The following BTAF1 variants were observed in gnomAD, a reference collection of about 807,000 sequenced individuals.
BTAF1 encodes the protein B-TFIID TATA-box binding protein associated factor 1, also known as TATA-binding protein-associated factor 172.
Under a neutral mutation model 227.1 loss-of-function variants are expected in BTAF1, and 38 were observed. That is an observed-to-expected ratio of 0.17 (90% CI 0.13 to 0.22). BTAF1 has a LOEUF of 0.22. Ranked by LOEUF, BTAF1 falls within the 10% of genes least tolerant of loss-of-function variation. The pLI is 1.00. For missense variants in BTAF1, 1,598 were observed against 2,204.0 expected (o/e 0.73, Z 5.51); for synonymous variants, 742 against 751.9 (o/e 0.99, Z 0.21).
chr10:91,963,479 G>C (rs1846671140), intron 12 of BTAF1, among the ~76,000 whole-genome samples: 2 of 152,136 alleles, frequency 1.3e-5, no homozygotes, highest in African/African-American at 4.8e-5. Flanking sequence ...TGTTGCCGAG[G>C]CTGGTCTCAA....
intron 1 of BTAF1, among the ~76,000 whole-genome samples, chr10:91,928,448 T>C (rs1040016027): frequency 6.6e-5 from 10 of 152,210 alleles, no homozygotes; most frequent in African/African-American, 2.4e-4. Flanking sequence ...AAAATCCAAA[T>C]GTAGGAGTAG....
Position 91,993,674 on chromosome 10 carries a change from A to T in BTAF1, c.3046-20A>T, listed in dbSNP as rs754087101. Reference sequence around the variant, plus strand: ...TGATTTTTTCTGAAATTCTGTTTTTATCTAACATTTAATTTTAAGGCCCAG... The same window carrying T: ...TGATTTTTTCTGAAATTCTGTTTTTTTCTAACATTTAATTTTAAGGCCCAG... On this transcript the variant is annotated intron_variant, in intron 21 of 37. Transcript: ENST00000265990. 4.5e-5 allele frequency: 64 copies of T among 1,428,640 alleles called. No homozygotes were observed. Among genetic ancestry groups the T allele is most frequent in the Non-Finnish European group, 5.6e-6 (6 of 1,079,584 alleles). 88.5% of individuals were successfully genotyped at this position (1,428,640 alleles called of 1,614,324 possible). A position where few individuals can be genotyped will look rare whatever the true frequency, so the allele number is the denominator to read the frequency against.
At chr10:92,010,690 G>T (rs1333805511) in intron 28 of BTAF1, among the ~76,000 whole-genome samples, 2 of 152,188 alleles carry the variant, frequency 1.3e-5, no homozygotes, top group African/African-American at 2.4e-5. Context: ...GTGGTTAGGG[G>T]ATTAAGTATT....
At chr10:91,939,768 G>A (rs1480423910) in intron 2 of BTAF1, among the ~76,000 whole-genome samples, 184 bp from the exon 3 acceptor site, 2 of 152,208 alleles carry the variant, frequency 1.3e-5, no homozygotes, top group South Asian at 4.2e-4. Flanking sequence ...TTTTAAGGTG[G>A]TAGTGATTTT....
rs137967195 is a variant in BTAF1, at chr10:91,966,748, A to T, written c.1641A>T (p.Thr547=). 6.2e-7 allele frequency: 1 copy of T among 1,613,884 alleles called. No individual in the cohort carries two copies. Among genetic ancestry groups the T allele is most frequent in the Middle Eastern group, 1.7e-4 (1 of 6,058 alleles). The change falls in exon 14 of 38, where the codon ACA becomes ACT. Residue 547 remains threonine, a synonymous_variant. Transcript: ENST00000265990. ...AAACTCTGTTTACGTTATTATCAAC[A>T]CAGGACCAGGTAAGAACTGATAACT... ...ALETLFTLLS[T]QDQNSSSWLI...
At chr10:91,925,075 G>A (rs927954331) in intron 1 of BTAF1, among the ~76,000 whole-genome samples, 1 of 152,212 alleles carries the variant, frequency 6.6e-6, no homozygotes, top group South Asian at 2.1e-4. Flanking sequence ...TTTTGCAAGG[G>A]AAAGGATAAC....
intron 4 of BTAF1, among the ~76,000 whole-genome samples, chr10:91,947,611 G>T (rs1845461237): frequency 6.6e-6 from 1 of 151,610 alleles, no homozygotes; most frequent in African/African-American, 2.4e-5. Context: ...TTGTTGCATT[G>T]TAGTAAGTTC....
chr10:91,924,350 G>A (rs1208411729), intron 1 of BTAF1, among the ~76,000 whole-genome samples: 1 of 152,128 alleles, frequency 6.6e-6, no homozygotes, highest in Admixed American at 6.5e-5. Context: ...TCCTCACCAT[G>A]TTTCTGTTCT....
At chr10:91,991,839 A>ATG (rs1367074795) in intron 20 of BTAF1, among the ~76,000 whole-genome samples, 2 of 19,016 alleles carry the variant, frequency 1.1e-4, no homozygotes, top group African/African-American at 4.2e-4. Context: ...ATATACACAC[A>ATG]TATATACACA....
intron 25 of BTAF1, among the ~76,000 whole-genome samples, chr10:91,998,849 G>A (rs1481853389): frequency 5.9e-5 from 9 of 152,146 alleles, no homozygotes; most frequent in East Asian, 1.9e-4. Context: ...TCAGGAGTTC[G>A]AAATTAGCCT....
At chr10:92,022,098 C>T (rs1398713366) in intron 34 of BTAF1, among the ~76,000 whole-genome samples, 1 of 152,144 alleles carries the variant, frequency 6.6e-6, no homozygotes, top group Non-Finnish European at 1.5e-5. Context: ...ATCAGTCTCT[C>T]AGAGCAGACT....
Position 92,029,023 on chromosome 10 carries a change from C to A in BTAF1, c.*90C>A. 1 of 1,216,022 alleles carries A rather than the reference C, an allele frequency of 8.2e-7. No homozygotes were observed. The highest frequency in any genetic ancestry group is 1.1e-6 in the Non-Finnish European group (1 of 878,180). 75.3% of individuals were successfully genotyped at this position (1,216,022 alleles called of 1,614,324 possible). Reference sequence around the variant, plus strand: ...TTCTAAGTTTATGGTGAACTTTTAACTCAATGTGTAAATAGATCTGGAGAA... The same window carrying A: ...TTCTAAGTTTATGGTGAACTTTTAAATCAATGTGTAAATAGATCTGGAGAA... On this transcript the variant is annotated 3_prime_UTR_variant, in exon 38 of 38. Transcript: ENST00000265990.
At chr10:91,966,017 T>A (rs1371766203) in intron 13 of BTAF1, among the ~76,000 whole-genome samples, 2 of 152,276 alleles carry the variant, frequency 1.3e-5, no homozygotes, top group African/African-American at 4.8e-5. Flanking sequence ...CTTACGAATG[T>A]GACAGGAATC....
chr10:91,970,347 A>C (rs1159140148), intron 14 of BTAF1, among the ~76,000 whole-genome samples: 1 of 151,944 alleles, frequency 6.6e-6, no homozygotes, highest in African/African-American at 2.4e-5. Flanking sequence ...CTTTTTTCAC[A>C]CTCCTGATAA....
At position 91,994,573 on chromosome 10, in the gene BTAF1, C is replaced by G. The variant is rs1367883501; in HGVS notation, c.3238C>G (p.Gln1080Glu). The G allele has an allele frequency of 6.2e-7, 1 of 1,613,916 alleles. No individual in the cohort carries two copies. The highest frequency in any genetic ancestry group is 2.2e-5 in the East Asian group (1 of 44,860). ...CCTGGATAAGGGAGATAGCCCTGCT[C>G]AAGAATTGGTGAATTCTCTGCAGGT... is the stretch of plus-strand genomic sequence containing the variant. ...SLLDKGDSPA[Q>E]ELVNSLQVFE... The change falls in exon 23 of 38, where the codon CAA becomes GAA. Residue 1080 changes from glutamine to glutamate, a missense_variant. Around this residue, in one of 10 missense-constraint regions of BTAF1, gnomAD observed 425 missense variants for 491.2 expected, o/e 0.87. Transcript: ENST00000265990.
At position 91,991,779 on chromosome 10, in the gene BTAF1, G is replaced by A. The variant is rs1408507359; in HGVS notation, c.2855-340G>A. ...CAGAAAAAAAAAATTATATATATGT[G>A]TGTGTGTGTGTGTGTGTGTATATAT... On this transcript the variant is annotated intron_variant, in intron 20 of 37. Coordinates refer to ENST00000265990, the MANE Select transcript of BTAF1 (RefSeq NM_003972.3). Among the ~76,000 whole-genome samples the A allele has an allele frequency of 1.5e-4, 11 of 71,332 alleles. No homozygotes were observed. In the East Asian group the frequency reaches 1.8e-3, roughly 12 times the overall value. The allele number at this position is 71,332 out of a possible 152,430, so 46.8% of individuals were successfully genotyped here. A position where few individuals can be genotyped will look rare whatever the true frequency, so the allele number is the denominator to read the frequency against.
chr10:91,963,935 C>G, intron 12 of BTAF1, 142 bp from the exon 13 acceptor site: 3 of 847,954 alleles, frequency 3.5e-6, no homozygotes, highest in Non-Finnish European at 5.4e-6. Flanking sequence ...ACCTCCTTAA[C>G]TTTACTCAAA....
Position 91,946,695 on chromosome 10 carries a change from C to A in BTAF1, c.400+4127C>A, listed in dbSNP as rs1219668378. On this transcript the variant is annotated intron_variant, in intron 4 of 37. Transcript: ENST00000265990. ...ATTTCATGTATTGACCATTTGTATA[C>A]CTTCCTTAGAGAAATGTCAATTCAT... Among the ~76,000 whole-genome samples the A allele has an allele frequency of 3.3e-5, 5 of 152,204 alleles. No individual in the cohort carries two copies. The East Asian group carries it at 9.6e-4, about 29-fold the overall frequency.
At chr10:92,023,714 C>T (rs1023191413) in intron 34 of BTAF1, among the ~76,000 whole-genome samples, 2 of 152,110 alleles carry the variant, frequency 1.3e-5, no homozygotes, top group African/African-American at 4.8e-5. Context: ...TTTGTTTTTG[C>T]AACCTCCGCC....
Sources: gnomAD v4.1 joint callset for allele counts (sites outside exome capture counted in the v4.1 genomes callset) on GRCh38, gnomAD v4.1.1 for gene constraint, gnomAD v4.1.1 regional missense constraint, MANE v1.5 for transcripts, NCBI Gene and HGNC (gene_info 2026-07-23, HGNC 2026-07-21) for gene names.